GBP6: variants seen among roughly 807,000 people sequenced by gnomAD.
The protein encoded by GBP6 is guanylate binding protein family member 6, also known as guanylate-binding protein 6.
A neutral mutation model predicts 61.5 loss-of-function variants in GBP6; 54 were observed. That is an observed-to-expected ratio of 0.88 (90% CI 0.71 to 1.10). The LOEUF (loss-of-function observed/expected upper bound fraction) is 1.10. Among genes scored for constraint, GBP6 ranks in the 50% least tolerant of loss-of-function variants. The pLI, the probability that GBP6 is intolerant of heterozygous loss-of-function variation, is 0.00. For missense variants in GBP6, 748 were observed against 752.8 expected, an observed-to-expected ratio of 0.99 and a Z score of 0.07; for synonymous variants, 255 against 273.7, an observed-to-expected ratio of 0.93 and a Z score of 0.67.
intron 3 of GBP6, among the ~76,000 whole-genome samples, chr1:89,377,614 T>C (rs543282685): frequency 2.2e-4 from 34 of 152,342 alleles, no homozygotes; most frequent in African/African-American, 7.9e-4. Flanking sequence ...AGCTTTGAAA[T>C]AGTCATCATG....
At chr1:89,375,008 G>A (rs905010344) in intron 3 of GBP6, among the ~76,000 whole-genome samples, 1 of 152,138 alleles carries the variant, frequency 6.6e-6, no homozygotes, top group Non-Finnish European at 1.5e-5. Flanking sequence ...ACTTACAAGT[G>A]AGAACATGCA....
At chr1:89,377,269 T>A (rs1652833900) in intron 3 of GBP6, among the ~76,000 whole-genome samples, 1 of 152,194 alleles carries the variant, frequency 6.6e-6, no homozygotes, top group Non-Finnish European at 1.5e-5. Context: ...GCACTTACCC[T>A]CTGCTCAGTC....
chr1:89,370,869 G>A (rs56331165), intron 3 of GBP6, among the ~76,000 whole-genome samples: 16,189 of 151,908 alleles, frequency 0.11, 1,059 homozygotes, highest in East Asian at 0.2. Context: ...TCCTCTTAGC[G>A]GAAGTGAAGG....
chr1:89,375,555 T>C (rs1158555571), intron 3 of GBP6, among the ~76,000 whole-genome samples: 1 of 152,144 alleles, frequency 6.6e-6, no homozygotes, highest in Admixed American at 6.6e-5. Flanking sequence ...GACACATGCA[T>C]GCATAAGTTA....
chr1:89,374,021 T>C (rs1652728402), intron 3 of GBP6, among the ~76,000 whole-genome samples: 1 of 152,056 alleles, frequency 6.6e-6, no homozygotes, highest in African/African-American at 2.4e-5. Context: ...TCATGAGAGC[T>C]GATCATTTTA....
intron 8 of GBP6, among the ~76,000 whole-genome samples, 196 bp from the exon 9 acceptor site, chr1:89,383,456 A>G (rs1239034368): frequency 6.6e-6 from 1 of 152,176 alleles, no homozygotes; most frequent in East Asian, 1.9e-4. Flanking sequence ...GCAGTGGGAA[A>G]GGCACTGGAG....
chr1:89,372,968 G>GA (rs1652688549), intron 3 of GBP6, among the ~76,000 whole-genome samples: 1 of 152,036 alleles, frequency 6.6e-6, no homozygotes, highest in Admixed American at 6.5e-5. Context: ...AAATTTACAA[G>GA]AAAAAAACAA....
At chr1:89,371,378 C>A (rs911749942) in intron 3 of GBP6, among the ~76,000 whole-genome samples, 4 of 152,254 alleles carry the variant, frequency 2.6e-5, no homozygotes, top group Non-Finnish European at 5.9e-5. Context: ...AATTTTGGAC[C>A]AATATCCCTG....
rs1302822762 is a variant in GBP6, at chr1:89,369,544, A to G, written c.191-2A>G. The G allele has an allele frequency of 6.2e-7, 1 of 1,612,962 alleles. No homozygotes were observed. Among genetic ancestry groups the G allele is most frequent in the Admixed American group, 1.7e-5 (1 of 59,914 alleles). On this transcript the variant is annotated splice_acceptor_variant, in intron 2 of 10. Coordinates refer to ENST00000370456, the MANE Select transcript of GBP6 (RefSeq NM_198460.3). LOFTEE classifies it high-confidence loss of function. ...TGCTTAGCTTCCTCCTCTTCCCTGCAGGCTTCCCTCTGGGCTCCACGGTGC... is the reference window on the plus strand; with the variant it reads ...TGCTTAGCTTCCTCCTCTTCCCTGCGGGCTTCCCTCTGGGCTCCACGGTGC...
In GBP6 at chr1:89,378,016, T is replaced by C; in HGVS notation, c.319-87T>C. On this transcript the variant is annotated intron_variant, in intron 3 of 10. Transcript: ENST00000370456. Reference sequence around the variant, plus strand: ...TGTACAGCAAGTACATTAGCTGAAATCATAAGTGAAAGACTGACAAAATAA... The same window carrying C: ...TGTACAGCAAGTACATTAGCTGAAACCATAAGTGAAAGACTGACAAAATAA... 6.5e-6 allele frequency: 8 copies of C among 1,224,286 alleles called. No homozygotes were observed. In the Admixed American group the frequency reaches 1.3e-4, roughly 20 times the overall value. 75.8% of individuals were successfully genotyped at this position (1,224,286 alleles called of 1,614,324 possible). A position where few individuals can be genotyped will look rare whatever the true frequency, so the allele number is the denominator to read the frequency against.
At chr1:89,376,183 T>C (rs1227894751) in intron 3 of GBP6, among the ~76,000 whole-genome samples, 1 of 152,242 alleles carries the variant, frequency 6.6e-6, no homozygotes, top group Non-Finnish European at 1.5e-5. Context: ...TTCACATTTT[T>C]TAAAATTCAT....
rs558738551 is a variant in GBP6, at chr1:89,378,426, G to A, written c.438G>A (p.Thr146=). 20 of 1,613,134 alleles carry A rather than the reference G, an allele frequency of 1.2e-5. No homozygotes were observed. Among genetic ancestry groups the A allele is most frequent in the Non-Finnish European group, 1.5e-5 (18 of 1,179,612 alleles). The stretch of plus-strand genomic sequence containing the variant: ...CTTACCTAAGTCCTAGTTATGTGAC[G>A]GAGCTCACAGAACTAATTAAGGCAA... ...HQALEQLHYV[T]ELTELIKAKS... is the part of the protein sequence containing the mutation. Residue 146 remains threonine, a synonymous_variant, in exon 5 of 11, where the codon ACG becomes ACA. Transcript: ENST00000370456.
chr1:89,383,860 G>T, intron 9 of GBP6, 106 bp downstream of exon 9: 2 of 929,988 alleles, frequency 2.2e-6, no homozygotes, highest in Non-Finnish European at 3.3e-6. Flanking sequence ...CTCTTCTGTG[G>T]AACACACACT....
At chr1:89,377,057 T>C (rs1652829218) in intron 3 of GBP6, among the ~76,000 whole-genome samples, 1 of 152,174 alleles carries the variant, frequency 6.6e-6, no homozygotes, top group Non-Finnish European at 1.5e-5. Context: ...CCATATAGAA[T>C]CTCCTGGAAT....
At chr1:89,374,283 T>C (rs775250583) in intron 3 of GBP6, among the ~76,000 whole-genome samples, 1 of 152,180 alleles carries the variant, frequency 6.6e-6, no homozygotes, top group Non-Finnish European at 1.5e-5. Flanking sequence ...GTTCATGCAT[T>C]GATGGACATT....
At position 89,384,179 on chromosome 1, in the gene GBP6, C is replaced by G. The variant is rs1197898163; in HGVS notation, c.1555C>G (p.Gln519Glu). 7 of 1,613,992 alleles carry G rather than the reference C, an allele frequency of 4.3e-6. No homozygotes were observed. Among genetic ancestry groups the G allele is most frequent in the South Asian group, 1.1e-5 (1 of 91,070 alleles). ...GGAGCAGCAGCAACAGATGGAGGCT[C>G]AAGATAAGAGTCGCAAGGAAAACAT... ...LQEQQQQMEA[Q>E]DKSRKENIAQ... Residue 519 changes from glutamine (Q) to glutamate (E), a missense_variant, in exon 10 of 11, where the codon CAA (glutamine) becomes GAA (glutamate). Physicochemically the swap from Gln to Glu is conservative, Grantham distance 29 (BLOSUM62 2). Coordinates refer to ENST00000370456, the MANE Select transcript of GBP6 (RefSeq NM_198460.3).
At chr1:89,368,493 C>A in intron 1 of GBP6, 36 bp from the exon 2 acceptor site, 2 of 1,491,308 alleles carry the variant, frequency 1.3e-6, no homozygotes, top group South Asian at 1.2e-5. Flanking sequence ...AACACTGAGA[C>A]AGAGAATGAC....
At position 89,385,593 on chromosome 1, in the gene GBP6, G is replaced by C; in HGVS notation, c.*124G>C. The C allele has an allele frequency of 4.3e-6, 4 of 926,788 alleles. No homozygotes were observed. The highest frequency in any genetic ancestry group is 6.3e-6 in the Non-Finnish European group (4 of 638,068). 57.4% of individuals were successfully genotyped at this position (926,788 alleles called of 1,614,324 possible). On this transcript the variant is annotated 3_prime_UTR_variant, in exon 11 of 11. Coordinates refer to ENST00000370456, the MANE Select transcript of GBP6 (RefSeq NM_198460.3). ...CTGTTGCCCAGGCTGGAGTACAGTGGTGCAATCTCAGCTCACTGCAACCTC... is the reference window on the plus strand; with the variant it reads ...CTGTTGCCCAGGCTGGAGTACAGTGCTGCAATCTCAGCTCACTGCAACCTC...
At chr1:89,384,778 CA>C (rs1653088665) in intron 10 of GBP6, among the ~76,000 whole-genome samples, 1 of 152,184 alleles carries the variant, frequency 6.6e-6, no homozygotes, top group Non-Finnish European at 1.5e-5. Context: ...CTGCAGTTGT[CA>C]CCCTGTATAG....
Sources: allele counts gnomAD v4.1 joint callset (sites outside exome capture counted in the v4.1 genomes callset), GRCh38; gene constraint gnomAD v4.1.1; transcripts MANE v1.5; gene names NCBI Gene and HGNC (gene_info 2026-07-23, HGNC 2026-07-21).